The following VEPH1 variants were observed in gnomAD, a reference collection of about 807,000 sequenced individuals.
The protein encoded by VEPH1 is ventricular zone-expressed PH domain-containing protein homolog 1.
In VEPH1, 80 loss-of-function variants were observed where a neutral mutation model predicts 85.2. The observed-to-expected ratio is 0.94, with a 90% CI of 0.78 to 1.13. The LOEUF (loss-of-function observed/expected upper bound fraction) is 1.13. Ranked by LOEUF, VEPH1 falls within the 50% of genes most tolerant of loss-of-function variation. The pLI is 0.00. For synonymous variants in VEPH1, 297 were observed against 348.0 expected (o/e 0.85, Z 1.63); for missense variants, 955 against 980.5 (o/e 0.97, Z 0.35).
intron 12 of VEPH1, among the ~76,000 whole-genome samples, chr3:157,279,525 A>G (rs1715812218): frequency 6.6e-6 from 1 of 152,122 alleles, no homozygotes; most frequent in Admixed American, 6.6e-5. Flanking sequence ...CAGTAGATGG[A>G]GGGAAAGGGG....
intron 9 of VEPH1, among the ~76,000 whole-genome samples, chr3:157,327,625 G>T (rs1722052223): frequency 6.6e-6 from 1 of 152,164 alleles, no homozygotes; most frequent in South Asian, 2.1e-4. Context: ...ACAGCAAAGG[G>T]TAGAGGATGG....
intron 4 of VEPH1, among the ~76,000 whole-genome samples, chr3:157,457,124 G>T (rs1477158899): frequency 6.6e-6 from 1 of 151,328 alleles, no homozygotes; most frequent in East Asian, 1.9e-4. Flanking sequence ...TATTTTATTT[G>T]TATGTGTGTG....
At chr3:157,374,636 G>C in intron 7 of VEPH1, among the ~76,000 whole-genome samples, 1 of 152,216 alleles carries the variant, frequency 6.6e-6, no homozygotes, top group East Asian at 1.9e-4. Flanking sequence ...CATGTGCTGG[G>C]AGGTGGAAAG....
chr3:157,350,735 G>A (rs1724773096), intron 9 of VEPH1, among the ~76,000 whole-genome samples: 4 of 152,082 alleles, frequency 2.6e-5, no homozygotes, highest in Admixed American at 6.6e-5. Flanking sequence ...TTTCTCAAAA[G>A]AAGACATACA....
chr3:157,469,169 G>A (rs1736681839), intron 3 of VEPH1, among the ~76,000 whole-genome samples: 1 of 152,122 alleles, frequency 6.6e-6, no homozygotes, highest in African/African-American at 2.4e-5. Context: ...TGTTAATTTT[G>A]CTGCAATCCT....
intron 4 of VEPH1, among the ~76,000 whole-genome samples, chr3:157,429,361 T>C (rs1433865505): frequency 6.6e-6 from 1 of 152,176 alleles, no homozygotes; most frequent in Non-Finnish European, 1.5e-5. Flanking sequence ...AAGAAGGAAT[T>C]ACACATATAT....
intron 7 of VEPH1, among the ~76,000 whole-genome samples, chr3:157,378,514 T>C (rs1376978741): frequency 6.6e-6 from 1 of 151,770 alleles, no homozygotes; most frequent in Non-Finnish European, 1.5e-5. Flanking sequence ...ATAATGCATA[T>C]GGCAATCTCA....
chr3:157,471,163 A>C (rs1254075016), intron 2 of VEPH1, among the ~76,000 whole-genome samples: 2 of 152,204 alleles, frequency 1.3e-5, no homozygotes, highest in Non-Finnish European at 2.9e-5. Flanking sequence ...CTGACTGTGA[A>C]CTTCACATGG....
chr3:157,413,031 A>T (rs971665106), intron 6 of VEPH1, among the ~76,000 whole-genome samples: 1 of 152,180 alleles, frequency 6.6e-6, no homozygotes, highest in Admixed American at 6.5e-5. Context: ...ATTGAACTCA[A>T]TGAACTATGA....
chr3:157,302,510 C>T (rs2108463159), intron 11 of VEPH1, among the ~76,000 whole-genome samples: 1 of 152,334 alleles, frequency 6.6e-6, no homozygotes, highest in South Asian at 2.1e-4. Context: ...GGAGAGATCA[C>T]TTGTCCCTTC....
intron 4 of VEPH1, chr3:157,442,894 C>T (rs759525316): frequency 6.2e-7 from 1 of 1,614,030 alleles, no homozygotes; most frequent in Non-Finnish European, 8.5e-7. Flanking sequence ...ACCGGAGGAG[C>T]AGAGTCTTGT....
intron 2 of VEPH1, chr3:157,489,128 G>A (rs1738970768): frequency 2.2e-6 from 1 of 456,198 alleles, no homozygotes; most frequent in African/African-American, 2.0e-5. Flanking sequence ...CACTCAACTG[G>A]CCTTTCTGAT....
chr3:157,292,053 A>C (rs1040643059), intron 11 of VEPH1, among the ~76,000 whole-genome samples: 4 of 152,200 alleles, frequency 2.6e-5, no homozygotes, highest in African/African-American at 9.6e-5. Context: ...TGTTTGTCTT[A>C]ATTCATCAAT....
At chr3:157,333,676 A>C (rs1297905486) in intron 9 of VEPH1, among the ~76,000 whole-genome samples, 1 of 152,222 alleles carries the variant, frequency 6.6e-6, no homozygotes, top group Non-Finnish European at 1.5e-5. Flanking sequence ...AGATTTATCA[A>C]AAGTTGTACA....
chr3:157,286,398 G>A, intron 12 of VEPH1, 159 bp downstream of exon 12: 1 of 669,470 alleles, frequency 1.5e-6, no homozygotes, highest in Non-Finnish European at 2.7e-6. Context: ...GACCACTTTG[G>A]TGAGACGCCT....
chr3:157,470,819 T>C (rs898724056), intron 2 of VEPH1, among the ~76,000 whole-genome samples: 3 of 152,210 alleles, frequency 2.0e-5, no homozygotes. Context: ...GTTTAATCTT[T>C]AGACTATTTC....
chr3:157,469,308 C>T (rs572247744), intron 3 of VEPH1, among the ~76,000 whole-genome samples: 1 of 152,272 alleles, frequency 6.6e-6, no homozygotes, highest in East Asian at 1.9e-4. Context: ...TCCAGTTAAT[C>T]ATAAACAACT....
Position 157,495,294 on chromosome 3 carries a change from T to C in VEPH1, c.56A>G (p.Asp19Gly), listed in dbSNP as rs1300325724. 3 of 1,613,810 alleles carry C rather than the reference T, an allele frequency of 1.9e-6. No homozygotes were observed. The highest frequency in any genetic ancestry group is 2.7e-5 in the African/African-American group (2 of 74,874). Residue 19 changes from aspartate (D) to glycine (G), a missense_variant, in exon 2 of 14, where the codon GAC (aspartate) becomes GGC (glycine). Asp to Gly is a moderately conservative substitution (Grantham distance 94). Coordinates refer to ENST00000362010, the MANE Select transcript of VEPH1 (RefSeq NM_001167912.2). ...LGQKDLSRAG[D>G]LFSLDDSEIE... ...CTCAGAGTCATCTAAGGAGAAGAGG[T>C]CCCCAGCTCGTGAAAGATCTTTTTG...
intron 12 of VEPH1, among the ~76,000 whole-genome samples, chr3:157,280,933 TC>T (rs1247433903): frequency 6.6e-6 from 1 of 152,202 alleles, no homozygotes; most frequent in East Asian, 1.9e-4. Flanking sequence ...TGAGGCATAA[TC>T]CATGGTTCTT....
Sources: allele counts gnomAD v4.1 joint callset (sites outside exome capture counted in the v4.1 genomes callset), GRCh38; gene constraint gnomAD v4.1.1; transcripts MANE v1.5; gene names NCBI Gene and HGNC (gene_info 2026-07-23, HGNC 2026-07-21).